The following WDR7 variants were observed in gnomAD, a reference collection of about 807,000 sequenced individuals.
The protein encoded by WDR7 is WD repeat-containing protein 7.
Under a neutral mutation model 169.4 loss-of-function variants are expected in WDR7, and 46 were observed. The ratio of observed to expected loss-of-function variants is 0.27; its 90% CI spans 0.21 to 0.35. The LOEUF is 0.35. WDR7 is among the 10% of genes least tolerant of loss of function. The probability of loss-of-function intolerance (pLI) is 1.00; values close to 1 mark genes in which losing one functional copy is unlikely to be tolerated. For synonymous variants in WDR7, 612 were observed against 666.8 expected, an observed-to-expected ratio of 0.92 and a Z score of 1.27; for missense variants, 1,534 against 1,859.3, an observed-to-expected ratio of 0.83 and a Z score of 3.22.
At chr18:56,865,017 T>C (rs1406733953) in intron 20 of WDR7, among the ~76,000 whole-genome samples, 1 of 151,996 alleles carries the variant, frequency 6.6e-6, no homozygotes, top group Non-Finnish European at 1.5e-5. Flanking sequence ...TTACTAATCA[T>C]TTGTATCCAA....
chr18:56,887,380 C>A (rs532571925), intron 21 of WDR7, among the ~76,000 whole-genome samples: 12 of 152,032 alleles, frequency 7.9e-5, no homozygotes, highest in Admixed American at 1.3e-4. Flanking sequence ...TGTTTTAGAA[C>A]CTGGCCTGTT....
chr18:56,742,100 A>G (rs1346649811), intron 14 of WDR7, among the ~76,000 whole-genome samples: 1 of 152,220 alleles, frequency 6.6e-6, no homozygotes, highest in Non-Finnish European at 1.5e-5. Flanking sequence ...TTTTAAATTC[A>G]GAGCAGTTTT....
intron 20 of WDR7, among the ~76,000 whole-genome samples, chr18:56,848,663 A>G (rs2045600058): frequency 6.6e-6 from 1 of 152,016 alleles, no homozygotes; most frequent in Non-Finnish European, 1.5e-5. Flanking sequence ...TACCCTCCTC[A>G]TGGTTATGAG....
intron 26 of WDR7, among the ~76,000 whole-genome samples, chr18:56,972,678 G>A (rs1334298459): frequency 6.6e-6 from 1 of 152,154 alleles, no homozygotes; most frequent in Non-Finnish European, 1.5e-5. Flanking sequence ...ATGCTATTTA[G>A]AGAAAAACTT....
At chr18:56,832,447 T>C (rs1186152328) in intron 20 of WDR7, among the ~76,000 whole-genome samples, 1 of 152,206 alleles carries the variant, frequency 6.6e-6, no homozygotes, top group Non-Finnish European at 1.5e-5. Context: ...CTGCTGGCTC[T>C]GAAGAGAGCA....
chr18:56,751,387 A>G (rs1555685663), intron 14 of WDR7, among the ~76,000 whole-genome samples: 1 of 152,234 alleles, frequency 6.6e-6, no homozygotes, highest in Non-Finnish European at 1.5e-5. Flanking sequence ...TGCTGCTTCA[A>G]TAATTTCTTT....
chr18:56,984,384 T>A (rs2047685107), intron 26 of WDR7, among the ~76,000 whole-genome samples: 1 of 152,188 alleles, frequency 6.6e-6, no homozygotes, highest in East Asian at 1.9e-4. Flanking sequence ...CATTTAAATG[T>A]TATGTTCCTT....
At chr18:56,755,117 A>G (rs1242479188) in intron 14 of WDR7, among the ~76,000 whole-genome samples, 1 of 150,456 alleles carries the variant, frequency 6.6e-6, no homozygotes, top group Non-Finnish European at 1.5e-5. Context: ...TCTTTTGGCA[A>G]TAGTATTATT....
chr18:56,843,908 G>T (rs2045526345), intron 20 of WDR7, among the ~76,000 whole-genome samples: 1 of 148,404 alleles, frequency 6.7e-6, no homozygotes, highest in East Asian at 2.0e-4. Context: ...TGTTGCCCAG[G>T]TTGGAGTGCA....
intron 22 of WDR7, among the ~76,000 whole-genome samples, chr18:56,931,229 G>A (rs919847403): frequency 4.6e-5 from 7 of 152,050 alleles, no homozygotes; most frequent in African/African-American, 1.7e-4. Context: ...ACACAAATGC[G>A]TTCCATATTT....
chr18:56,815,631 C>T (rs759221591), intron 19 of WDR7, among the ~76,000 whole-genome samples: 48 of 152,236 alleles, frequency 3.2e-4, no homozygotes, highest in Admixed American at 1.3e-3. Flanking sequence ...CTCCCAACTC[C>T]CAAGTTATAA....
chr18:56,738,798 C>CTTTTTT (rs10547813), intron 14 of WDR7, among the ~76,000 whole-genome samples: 3 of 58,786 alleles, frequency 5.1e-5, no homozygotes, highest in African/African-American at 1.2e-4. Context: ...GCATAAAATC[C>CTTTTTT]TTTTTTTTTT....
At chr18:56,962,893 T>A (rs1160281683) in intron 26 of WDR7, among the ~76,000 whole-genome samples, 1 of 152,172 alleles carries the variant, frequency 6.6e-6, no homozygotes, top group African/African-American at 2.4e-5. Context: ...AAAAATTAAT[T>A]TTCTCTAAGC....
chr18:56,657,794 A>G (rs2024810170), intron 1 of WDR7, among the ~76,000 whole-genome samples: 1 of 152,254 alleles, frequency 6.6e-6, no homozygotes, highest in South Asian at 2.1e-4. Flanking sequence ...GCATTCAGAA[A>G]GTCCTTGTGA....
At position 56,903,577 on chromosome 18, in the gene WDR7, G is replaced by T. The variant is rs2046433452; in HGVS notation, c.3527-20345G>T. Among the ~76,000 whole-genome samples the T allele has an allele frequency of 2.0e-5, 3 of 151,868 alleles. No homozygotes were observed. In the South Asian group the frequency reaches 6.2e-4, roughly 32 times the overall value. ...TGGGATTACAGGCATGTGCCACCAT[G>T]CCTGGCTAATTTTTGTATTTTTAGT... On this transcript the variant is annotated intron_variant, in intron 21 of 27. Transcript: ENST00000254442.
chr18:56,780,993 G>A (rs1432887393), intron 18 of WDR7, among the ~76,000 whole-genome samples: 11 of 152,116 alleles, frequency 7.2e-5, no homozygotes, highest in Non-Finnish European at 1.3e-4. Context: ...CCTTTATACA[G>A]GAATATTTAT....
intron 2 of WDR7, among the ~76,000 whole-genome samples, chr18:56,678,646 G>A (rs11151972): frequency 0.24 from 35,817 of 151,944 alleles, 4,858 homozygotes; most frequent in East Asian, 0.3. Context: ...ACAGGTGCGC[G>A]CCACCACGCC....
intron 14 of WDR7, 120 bp from the exon 15 acceptor site, chr18:56,756,463 G>C (rs1244328118): frequency 1.1e-6 from 1 of 879,670 alleles, no homozygotes. Context: ...TCATGATATA[G>C]GTTCCTAGAA....
chr18:56,857,055 C>T (rs998768179), intron 20 of WDR7, among the ~76,000 whole-genome samples: 3 of 152,156 alleles, frequency 2.0e-5, no homozygotes, highest in Admixed American at 6.6e-5. Flanking sequence ...TGTCAAATGC[C>T]TCACTAGGAA....
Sources: gnomAD v4.1 joint callset for allele counts (sites outside exome capture counted in the v4.1 genomes callset) on GRCh38, gnomAD v4.1.1 for gene constraint, MANE v1.5 for transcripts, NCBI Gene and HGNC (gene_info 2026-07-23, HGNC 2026-07-21) for gene names.